Variants in SCMH1 observed in about 807,000 individuals in gnomAD.
The protein encoded by SCMH1 is polycomb protein SCMH1.
Under a neutral mutation model 70.8 loss-of-function variants are expected in SCMH1, and 37 were observed. The ratio of observed to expected loss-of-function variants is 0.52; its 90% CI spans 0.40 to 0.69. The LOEUF (loss-of-function observed/expected upper bound fraction) is 0.69. Ranked by LOEUF, SCMH1 falls within the 30% of genes least tolerant of loss-of-function variation. The pLI, the probability that SCMH1 is intolerant of heterozygous loss-of-function variation, is 0.00. For synonymous variants in SCMH1, 292 were observed against 307.4 expected (o/e 0.95, Z 0.52); for missense variants, 607 against 827.3 (o/e 0.73, Z 3.27).
intron 12 of SCMH1, among the ~76,000 whole-genome samples, chr1:41,040,898 AAAC>A (rs150089951): frequency 0.13 from 19,994 of 150,604 alleles, 1,720 homozygotes; most frequent in Middle Eastern, 0.27. Flanking sequence ...AACAAAAACA[AAAC>A]AACAACAAAA....
intron 5 of SCMH1, among the ~76,000 whole-genome samples, chr1:41,145,913 T>A (rs1644510532): frequency 6.6e-6 from 1 of 152,234 alleles, no homozygotes; most frequent in South Asian, 2.1e-4. Context: ...TAATACTTGA[T>A]AACAATTGAC....
chr1:41,189,070 C>T (rs529760897), intron 1 of SCMH1, among the ~76,000 whole-genome samples: 1 of 152,036 alleles, frequency 6.6e-6, no homozygotes, highest in Admixed American at 6.5e-5. Context: ...GGACAAGCTA[C>T]AGGGAGGCAG....
chr1:41,189,433 C>T (rs1036568568), intron 1 of SCMH1, among the ~76,000 whole-genome samples: 1 of 152,140 alleles, frequency 6.6e-6, no homozygotes, highest in East Asian at 1.9e-4. Context: ...TTACAAGGCA[C>T]GAGCCACTGC....
chr1:41,102,722 G>A (rs1418353822), intron 8 of SCMH1, among the ~76,000 whole-genome samples: 2 of 152,184 alleles, frequency 1.3e-5, no homozygotes. Context: ...TAGGGCAGTA[G>A]GTAAGATGAT....
intron 2 of SCMH1, among the ~76,000 whole-genome samples, chr1:41,174,490 C>T (rs1646985797): frequency 1.3e-5 from 2 of 151,962 alleles, no homozygotes; most frequent in South Asian, 4.2e-4. Context: ...GTGATTAGGG[C>T]CAATGGATAA....
chr1:41,071,002 GA>G lies in SCMH1; in HGVS notation c.979-282del, dbSNP rs529140562. Among the ~76,000 whole-genome samples the G allele has an allele frequency of 6.2e-3, 946 of 151,680 alleles. 15 individuals carry two copies. Among genetic ancestry groups the G allele is most frequent in the African/African-American group, 0.022 (905 of 41,376 alleles). ...TTCAATATTATCATATGAAGTTTCA[GA>G]TCCCTTATTAGTTGGGCAGACAAAA... On this transcript the variant is annotated intron_variant, in intron 9 of 14. Transcript: ENST00000337495.
intron 10 of SCMH1, among the ~76,000 whole-genome samples, chr1:41,054,193 A>G (rs1649378074): frequency 6.6e-6 from 1 of 152,200 alleles, no homozygotes; most frequent in South Asian, 2.1e-4. Context: ...AAAGTGAAGA[A>G]AATCTTATTG....
intron 1 of SCMH1, among the ~76,000 whole-genome samples, chr1:41,206,480 A>G: frequency 6.6e-6 from 1 of 152,196 alleles, no homozygotes; most frequent in East Asian, 1.9e-4. Context: ...ATAAAGCAAA[A>G]AGACAAGATT....
At chr1:41,098,011 C>T (rs976617280) in intron 8 of SCMH1, among the ~76,000 whole-genome samples, 1 of 152,144 alleles carries the variant, frequency 6.6e-6, no homozygotes, top group Non-Finnish European at 1.5e-5. Context: ...GAATTAATTG[C>T]CTCTCGAACT....
At chr1:41,133,534 T>C (rs184540283) in intron 6 of SCMH1, among the ~76,000 whole-genome samples, 9 of 152,078 alleles carry the variant, frequency 5.9e-5, no homozygotes, top group Non-Finnish European at 1.2e-4. Flanking sequence ...AAATATAGAC[T>C]GCTAGCAAGA....
At chr1:41,028,645 A>G (rs1644070873) in exon 14 of SCMH1, 1 of 1,614,060 alleles carries the variant, frequency 6.2e-7, no homozygotes, top group South Asian at 1.1e-5. Context: ...GACAAACTGC[A>G]TCACATCCTC....
intron 2 of SCMH1, among the ~76,000 whole-genome samples, chr1:41,163,292 C>T (rs970991288): frequency 2.0e-5 from 3 of 152,124 alleles, no homozygotes; most frequent in African/African-American, 7.2e-5. Context: ...GTAGATGGGC[C>T]CCAAGCTCGT....
chr1:41,077,702 T>C (rs1345574191), intron 8 of SCMH1, among the ~76,000 whole-genome samples: 1 of 152,088 alleles, frequency 6.6e-6, no homozygotes, highest in Non-Finnish European at 1.5e-5. Context: ...GCATAAACCA[T>C]AGGCACAATC....
chr1:41,225,421 T>C (rs1660071920), intron 1 of SCMH1, among the ~76,000 whole-genome samples: 2 of 152,178 alleles, frequency 1.3e-5, no homozygotes, highest in South Asian at 4.1e-4. Flanking sequence ...TTTCCCAATT[T>C]ATCCAATCAA....
At chr1:41,206,510 G>T (rs1655580046) in intron 1 of SCMH1, among the ~76,000 whole-genome samples, 1 of 152,170 alleles carries the variant, frequency 6.6e-6, no homozygotes, top group African/African-American at 2.4e-5. Flanking sequence ...AGAGTAAAAA[G>T]AAATGAACAA....
At chr1:41,080,291 A>T (rs1406087817) in intron 8 of SCMH1, among the ~76,000 whole-genome samples, 1 of 152,144 alleles carries the variant, frequency 6.6e-6, no homozygotes, top group Non-Finnish European at 1.5e-5. Context: ...GATGAATTCT[A>T]GCAAATATTT....
At chr1:41,110,683 A>G (rs1213882067) in intron 8 of SCMH1, among the ~76,000 whole-genome samples, 2 of 152,074 alleles carry the variant, frequency 1.3e-5, no homozygotes, top group Non-Finnish European at 2.9e-5. Flanking sequence ...TTATTTATCC[A>G]TTTATCAGAT....
chr1:41,083,966 A>G (rs1254369985), intron 8 of SCMH1, among the ~76,000 whole-genome samples: 2 of 152,206 alleles, frequency 1.3e-5, no homozygotes, highest in African/African-American at 4.8e-5. Flanking sequence ...ACCTTATACA[A>G]AAATTAATTC....
chr1:41,100,710 C>T (rs974722640), intron 8 of SCMH1, among the ~76,000 whole-genome samples: 3 of 151,944 alleles, frequency 2.0e-5, no homozygotes, highest in Non-Finnish European at 4.4e-5. Flanking sequence ...GGACTACAGG[C>T]ACCTGCCACC....
Sources: gnomAD v4.1 joint callset for allele counts (sites outside exome capture counted in the v4.1 genomes callset) on GRCh38, gnomAD v4.1.1 for gene constraint, MANE v1.5 for transcripts, NCBI Gene and HGNC (gene_info 2026-07-23, HGNC 2026-07-21) for gene names.